Variants in PCDHGA3 observed in about 807,000 individuals in gnomAD.
PCDHGA3 encodes the protein protocadherin gamma-A3.
A neutral mutation model predicts 58.5 loss-of-function variants in PCDHGA3; 40 were observed. The ratio of observed to expected loss-of-function variants is 0.68; its 90% CI spans 0.53 to 0.89. The LOEUF is 0.89. Ranked by LOEUF, PCDHGA3 falls within the 40% of genes least tolerant of loss-of-function variation. The pLI is 0.00. For missense variants in PCDHGA3, 1,223 were observed against 1,195.9 expected (o/e 1.02, Z -0.33); for synonymous variants, 530 against 525.7 (o/e 1.01, Z -0.11).
chr5:141,351,350 C>G, intron 1 of PCDHGA3: 1 of 1,613,300 alleles, frequency 6.2e-7, no homozygotes, highest in Non-Finnish European at 8.5e-7. Context: ...TGTAATAGCC[C>G]TCATAAAAGT....
chr5:141,493,908 G>A lies in PCDHGA3; in HGVS notation c.2425-899G>A, dbSNP rs1308946115. ...CTAGGAGTGCTCCATGAGAGTGTGT[G>A]ATGGGATAACACACCCCCTGGAAAG... On this transcript the variant is annotated intron_variant, in intron 1 of 3. Transcript: ENST00000253812. This position sits in a 1 kb window ranked among gnomAD's most constrained non-coding sequence, Gnocchi z 4.3. Among the ~76,000 whole-genome samples the A allele has an allele frequency of 6.6e-6, 1 of 152,208 alleles. No homozygotes were observed. The highest frequency in any genetic ancestry group is 1.5e-5 in the Non-Finnish European group (1 of 68,032).
rs936750924 is a variant in PCDHGA3, at chr5:141,418,950, T to A, written c.2424+72493T>A. On this transcript the variant is annotated intron_variant, in intron 1 of 3. Transcript: ENST00000253812. ...ATTATGGAGGATTCCCCTCCAGGAG[T>A]GGTTGTTGCCCTCTTCAAAACACGG... 23 of 1,613,742 alleles carry A rather than the reference T, an allele frequency of 1.4e-5. No individual in the cohort carries two copies. Among genetic ancestry groups the A allele is most frequent in the Non-Finnish European group, 1.9e-5 (23 of 1,179,860 alleles).
chr5:141,352,062 C>A (rs754428978), intron 1 of PCDHGA3: 3 of 1,605,904 alleles, frequency 1.9e-6, no homozygotes, highest in South Asian at 2.2e-5. Flanking sequence ...GCTTGGCTGT[C>A]CTACCACGTG....
intron 1 of PCDHGA3, chr5:141,423,619 T>A (rs1389600826): frequency 1.2e-6 from 2 of 1,608,208 alleles, no homozygotes; most frequent in Non-Finnish European, 1.7e-6. Context: ...AGCTGAAGAC[T>A]CAGCTATCAT....
chr5:141,352,095 TC>T, intron 1 of PCDHGA3: 1 of 1,605,676 alleles, frequency 6.2e-7, no homozygotes, highest in Non-Finnish European at 8.5e-7. Context: ...GAGCCCGGGC[TC>T]TTCAGCCTGG....
At chr5:141,462,893 G>A (rs577241413) in intron 1 of PCDHGA3, among the ~76,000 whole-genome samples, 68 of 152,170 alleles carry the variant, frequency 4.5e-4, no homozygotes, top group African/African-American at 1.4e-3. Context: ...AGTTTGTTTT[G>A]GAAGGCTATT....
intron 1 of PCDHGA3, chr5:141,361,092 C>A: frequency 1.2e-6 from 2 of 1,613,938 alleles, no homozygotes; most frequent in Non-Finnish European, 1.7e-6. Context: ...CTCTGAGTAT[C>A]GAAGCAAAAG....
intron 1 of PCDHGA3, among the ~76,000 whole-genome samples, chr5:141,368,348 C>T (rs1406521709): frequency 1.3e-5 from 2 of 151,986 alleles, no homozygotes; most frequent in African/African-American, 4.8e-5. Flanking sequence ...TACATATACA[C>T]ACACATATAT....
chr5:141,511,129 G>A lies in PCDHGA3; in HGVS notation c.2755G>A (p.Gly919Ser). ...GCGGGATGGCAAGGCCCCAGCAGGT[G>A]GCAATGGCAACAAGAAGAAGTCGGG... ...GKRDGKAPAGGNGNKKKSGKK... is the reference protein window; with the variant it reads ...GKRDGKAPAGSNGNKKKSGKK... Residue 919 changes from glycine to serine, a missense_variant, in exon 4 of 4, where the codon GGC becomes AGC. By Grantham distance (56) the Gly-to-Ser change is moderately conservative. Coordinates refer to ENST00000253812, the MANE Select transcript of PCDHGA3 (RefSeq NM_018916.4). 1 of 1,614,204 alleles carries A rather than the reference G, an allele frequency of 6.2e-7. No individual in the cohort carries two copies. Among genetic ancestry groups the A allele is most frequent in the Non-Finnish European group, 8.5e-7 (1 of 1,180,014 alleles).
At chr5:141,427,934 G>A (rs746648152) in intron 1 of PCDHGA3, 42 of 1,584,338 alleles carry the variant, frequency 2.7e-5, no homozygotes, top group Non-Finnish European at 3.6e-5. Context: ...GCATGTTGGT[G>A]GGCGACCTCA....
chr5:141,479,651 C>A (rs56818742), intron 1 of PCDHGA3: 43,954 of 152,194 alleles, frequency 0.29, 6,853 homozygotes, highest in African/African-American at 0.41. Flanking sequence ...ACAACAACAA[C>A]AATCCCAGAA....
chr5:141,346,617 G>A (rs559786275), intron 1 of PCDHGA3, 160 bp downstream of exon 1: 2 of 1,075,714 alleles, frequency 1.9e-6, no homozygotes, highest in South Asian at 1.7e-5. Context: ...TAGTAGGACT[G>A]CACTCCCCGG....
At chr5:141,469,569 G>A (rs975304006) in intron 1 of PCDHGA3, among the ~76,000 whole-genome samples, 1 of 152,122 alleles carries the variant, frequency 6.6e-6, no homozygotes, top group Non-Finnish European at 1.5e-5. Flanking sequence ...GTGAGACTCT[G>A]TCTCTAAATA....
At chr5:141,438,538 A>G (rs950527053) in intron 1 of PCDHGA3, among the ~76,000 whole-genome samples, 2 of 145,166 alleles carry the variant, frequency 1.4e-5, no homozygotes, top group African/African-American at 2.6e-5. Context: ...CTTTTCCTCT[A>G]TATCTAAGCC....
At chr5:141,408,078 C>G in intron 1 of PCDHGA3, 1 of 1,407,992 alleles carries the variant, frequency 7.1e-7, no homozygotes, top group Non-Finnish European at 9.4e-7. Context: ...CCTTTCCCAG[C>G]ACAGCGGATT....
chr5:141,410,737 C>A, intron 1 of PCDHGA3: 1 of 1,295,554 alleles, frequency 7.7e-7, no homozygotes, highest in East Asian at 2.5e-5. Context: ...TAGCTTTTTA[C>A]AATATTTTCT....
At chr5:141,415,502 A>C (rs1162629839) in intron 1 of PCDHGA3, 6 of 1,614,086 alleles carry the variant, frequency 3.7e-6, no homozygotes, top group Admixed American at 1.7e-5. Flanking sequence ...ATCTTCCCCC[A>C]GCCCAATTAT....
At chr5:141,409,212 T>C (rs751644523) in intron 1 of PCDHGA3, 1 of 1,613,924 alleles carries the variant, frequency 6.2e-7, no homozygotes, top group Non-Finnish European at 8.5e-7. Context: ...ATCATAGAAA[T>C]CCTTGATGAA....
At chr5:141,495,719 C>T (rs929450759) in intron 2 of PCDHGA3, among the ~76,000 whole-genome samples, 12 of 152,150 alleles carry the variant, frequency 7.9e-5, no homozygotes, top group African/African-American at 2.4e-5. Context: ...AGTAACTACA[C>T]GGGACCCTTA....
Sources: allele counts gnomAD v4.1 joint callset (sites outside exome capture counted in the v4.1 genomes callset), GRCh38; gene constraint gnomAD v4.1.1; non-coding constraint Gnocchi (gnomAD v3.1); transcripts MANE v1.5; gene names NCBI Gene and HGNC (gene_info 2026-07-23, HGNC 2026-07-21).